GC: variants seen among roughly 807,000 people sequenced by gnomAD.
GC encodes GC vitamin D binding protein.
GC carries 43 observed loss-of-function variants against 56.7 expected under a neutral mutation model. The observed-to-expected ratio is 0.76, with a 90% CI of 0.59 to 0.98. The LOEUF is 0.98. GC is among the 50% of genes least tolerant of loss of function. The pLI is 0.00. For missense variants in GC, 529 were observed against 545.9 expected, an observed-to-expected ratio of 0.97 and a Z score of 0.31; for synonymous variants, 216 against 202.7, an observed-to-expected ratio of 1.07 and a Z score of -0.56.
intron 11 of GC, among the ~76,000 whole-genome samples, chr4:71,751,538 G>C (rs956735082): frequency 1.3e-5 from 2 of 152,140 alleles, no homozygotes; most frequent in African/African-American, 4.8e-5. Context: ...AAAAATAAAT[G>C]ATCTGGCAAT....
chr4:71,764,007 G>T, intron 4 of GC, 71 bp from the exon 5 acceptor site: 1 of 1,221,118 alleles, frequency 8.2e-7, no homozygotes, highest in Non-Finnish European at 1.2e-6. Context: ...ATTTGAGACA[G>T]TGTCTTGCCC....
chr4:71,752,574 C>G lies in GC; in HGVS notation c.1339G>C (p.Asp447His), dbSNP rs772805528. 1 of 1,612,868 alleles carries G rather than the reference C, an allele frequency of 6.2e-7. No homozygotes were observed. Among genetic ancestry groups the G allele is most frequent in the East Asian group, 2.2e-5 (1 of 44,868 alleles). Reference sequence around the variant, plus strand: ...ATGGAACAGCAGTTGGAGGCAAAGTCTGAGTGCTTGTTAACCAGCTTTGCC... The same window carrying G: ...ATGGAACAGCAGTTGGAGGCAAAGTGTGAGTGCTTGTTAACCAGCTTTGCC... ...ELAKLVNKHSDFASNCCSINS... is the reference protein window; with the variant it reads ...ELAKLVNKHSHFASNCCSINS... The change falls in exon 11 of 13, where the codon GAC (aspartate) becomes CAC (histidine). Residue 447 changes from aspartate (D) to histidine (H), a missense_variant. Transcript: ENST00000273951.
upstream of GC, chr4:71,784,247 G>A: frequency 8.2e-7 from 1 of 1,222,400 alleles, no homozygotes; most frequent in South Asian, 3.2e-5. Flanking sequence ...GACACCCTGG[G>A]GATACTGTAG....
chr4:71,741,762 T>C lies in GC; in HGVS notation c.*134A>G. 1 of 697,228 alleles carries C rather than the reference T, an allele frequency of 1.4e-6. No homozygotes were observed. Among genetic ancestry groups the C allele is most frequent in the South Asian group, 1.5e-5 (1 of 65,796 alleles). The allele number at this position is 697,228 out of a possible 1,614,324, so 43.2% of individuals were successfully genotyped here. ...TCATACTTGTCATTGTATGAAGATA[T>C]TGTAGCTAGAAAAAGTAGAAAGTAT... On this transcript the variant is annotated 3_prime_UTR_variant, in exon 13 of 13. Coordinates refer to ENST00000273951, the MANE Select transcript of GC (RefSeq NM_000583.4).
upstream of GC, chr4:71,786,100 T>C (rs1467474343): frequency 6.6e-6 from 1 of 151,856 alleles, no homozygotes; most frequent in Non-Finnish European, 1.5e-5. Context: ...GTTTGTTTAA[T>C]GATAAACTAC....
At chr4:71,786,775 T>C (rs559311563), upstream of GC, among the ~76,000 whole-genome samples, 3 of 152,014 alleles carry the variant, frequency 2.0e-5, no homozygotes, top group South Asian at 6.2e-4. Flanking sequence ...AACAGTACCT[T>C]CCTTTAATGC....
chr4:71,784,451 A>G, upstream of GC: 1 of 249,022 alleles, frequency 4.0e-6, no homozygotes, highest in Non-Finnish European at 6.4e-6. Context: ...GAAAATCGGA[A>G]ACTCTGTCTT....
chr4:71,753,589 A>C (rs758170172), intron 10 of GC, among the ~76,000 whole-genome samples: 5 of 151,988 alleles, frequency 3.3e-5, no homozygotes, highest in Non-Finnish European at 7.4e-5. Flanking sequence ...TTCCCCAAGA[A>C]CCCAGTACCA....
chr4:71,742,720 A>G (rs1350876263), intron 12 of GC, among the ~76,000 whole-genome samples: 1 of 152,222 alleles, frequency 6.6e-6, no homozygotes, highest in Non-Finnish European at 1.5e-5. Context: ...CACGCCTGTA[A>G]TCCCAGCACT....
At chr4:71,765,883 A>G (rs1742138863) in intron 3 of GC, among the ~76,000 whole-genome samples, 2 of 152,184 alleles carry the variant, frequency 1.3e-5, no homozygotes, top group African/African-American at 4.8e-5. Flanking sequence ...AGAACTTTGA[A>G]TAACAAATGG....
upstream of GC, among the ~76,000 whole-genome samples, chr4:71,788,909 T>C (rs1356120476): frequency 4.6e-5 from 7 of 151,926 alleles, no homozygotes; most frequent in Admixed American, 4.6e-4. Context: ...TGTTCTTAAG[T>C]AAAATATTTA....
intron 9 of GC, 30 bp downstream of exon 9, chr4:71,754,948 T>G: frequency 6.6e-7 from 1 of 1,507,852 alleles, no homozygotes. Context: ...TTGATCTATG[T>G]GCTTGATAAA....
At chr4:71,764,692 T>C (rs1164055538) in intron 4 of GC, among the ~76,000 whole-genome samples, 1 of 152,234 alleles carries the variant, frequency 6.6e-6, no homozygotes, top group Admixed American at 6.6e-5. Context: ...CTTATGGATC[T>C]AAAAGGGACT....
intron 10 of GC, among the ~76,000 whole-genome samples, chr4:71,753,273 A>G (rs1410524942): frequency 6.6e-6 from 1 of 152,138 alleles, no homozygotes; most frequent in Non-Finnish European, 1.5e-5. Flanking sequence ...GCCTGGTTTT[A>G]TGACTTTCTT....
chr4:71,773,883 G>A (rs1742418313), intron 1 of GC, among the ~76,000 whole-genome samples: 1 of 152,084 alleles, frequency 6.6e-6, no homozygotes, highest in Non-Finnish European at 1.5e-5. Flanking sequence ...ATCCATGTCA[G>A]AAAAGCTCAG....
At chr4:71,786,386 T>C (rs904731787), upstream of GC, among the ~76,000 whole-genome samples, 86 of 151,762 alleles carry the variant, frequency 5.7e-4, no homozygotes, top group African/African-American at 1.9e-3. Flanking sequence ...GTAAGTCAGA[T>C]GGGGAAAAAA....
intron 6 of GC, among the ~76,000 whole-genome samples, chr4:71,758,547 A>G (rs994705490): frequency 6.6e-6 from 1 of 152,280 alleles, no homozygotes; most frequent in East Asian, 1.9e-4. Flanking sequence ...AGTGTGTTTT[A>G]TAAATTCTTT....
upstream of GC, among the ~76,000 whole-genome samples, chr4:71,789,075 T>C (rs1742910763): frequency 6.6e-6 from 1 of 151,878 alleles, no homozygotes; most frequent in Non-Finnish European, 1.5e-5. Context: ...TTACAAGTAT[T>C]GACAATTGTA....
upstream of GC, among the ~76,000 whole-genome samples, chr4:71,804,404 C>T (rs185159643): frequency 6.6e-5 from 10 of 152,220 alleles, no homozygotes; most frequent in African/African-American, 2.4e-4. Flanking sequence ...GCCCTGTTCC[C>T]AAAGATTAAC....
Sources: allele counts gnomAD v4.1 joint callset (sites outside exome capture counted in the v4.1 genomes callset), GRCh38; gene constraint gnomAD v4.1.1; transcripts MANE v1.5; gene names NCBI Gene and HGNC (gene_info 2026-07-23, HGNC 2026-07-21).